Variants in MOXD1 observed in about 807,000 individuals in gnomAD.
MOXD1 encodes DBH-like monooxygenase protein 1.
Under a neutral mutation model 66.6 loss-of-function variants are expected in MOXD1, and 62 were observed. That is an observed-to-expected ratio of 0.93 (90% CI 0.76 to 1.15). The LOEUF is 1.15. Among genes scored for constraint, MOXD1 ranks in the 50% most tolerant of loss-of-function variants. The pLI, the probability that MOXD1 is intolerant of heterozygous loss-of-function variation, is 0.00. For synonymous variants in MOXD1, 303 were observed against 281.9 expected (o/e 1.07, Z -0.75); for missense variants, 847 against 754.6 (o/e 1.12, Z -1.44).
chr6:132,359,135 T>TC (rs35374241), intron 4 of MOXD1, among the ~76,000 whole-genome samples: 28,285 of 150,970 alleles, frequency 0.19, 2,754 homozygotes, highest in South Asian at 0.27. Flanking sequence ...TTTTTTTTTT[T>TC]CTGAGGCAGG....
At chr6:132,399,730 T>C (rs1776977285) in intron 1 of MOXD1, among the ~76,000 whole-genome samples, 2 of 152,218 alleles carry the variant, frequency 1.3e-5, no homozygotes, top group Non-Finnish European at 2.9e-5. Context: ...CATGCAAGGA[T>C]AGTTAAGGGG....
intron 4 of MOXD1, among the ~76,000 whole-genome samples, chr6:132,370,991 CA>C (rs1776252806): frequency 6.6e-6 from 1 of 152,072 alleles, no homozygotes; most frequent in Non-Finnish European, 1.5e-5. Flanking sequence ...TCATTCAACT[CA>C]ATTATTAGCA....
chr6:132,339,569 C>G (rs1442570139), intron 4 of MOXD1, among the ~76,000 whole-genome samples: 1 of 152,242 alleles, frequency 6.6e-6, no homozygotes, highest in Non-Finnish European at 1.5e-5. Flanking sequence ...ATTTTCCTAT[C>G]AGGAATCCTG....
At chr6:132,327,109 C>T (rs1370805351) in intron 6 of MOXD1, among the ~76,000 whole-genome samples, 2 of 152,186 alleles carry the variant, frequency 1.3e-5, no homozygotes, top group Admixed American at 6.5e-5. Context: ...TTCAGCATCT[C>T]CAGTCACCCA....
intron 4 of MOXD1, among the ~76,000 whole-genome samples, chr6:132,330,149 C>T (rs1775285432): frequency 6.6e-6 from 1 of 152,132 alleles, no homozygotes; most frequent in African/African-American, 2.4e-5. Flanking sequence ...GTAGGTGTTG[C>T]ATCAGTTAGA....
At chr6:132,341,641 G>A (rs1775565791) in intron 4 of MOXD1, among the ~76,000 whole-genome samples, 1 of 152,168 alleles carries the variant, frequency 6.6e-6, no homozygotes, top group Non-Finnish European at 1.5e-5. Context: ...GGTCCCATAT[G>A]CATGAATTCC....
intron 1 of MOXD1, among the ~76,000 whole-genome samples, chr6:132,393,151 A>AGTGTGTGT (rs60580838): frequency 0.2 from 30,256 of 150,626 alleles, 3,088 homozygotes; most frequent in Middle Eastern, 0.26. Flanking sequence ...GAGTGGAGTG[A>AGTGTGTGT]GTGTGTGTGT....
intron 4 of MOXD1, among the ~76,000 whole-genome samples, chr6:132,358,030 A>G (rs1312043572): frequency 6.6e-6 from 1 of 152,186 alleles, no homozygotes; most frequent in Non-Finnish European, 1.5e-5. Context: ...TTCCATAAAC[A>G]TTTTCCAAAT....
chr6:132,384,299 T>C (rs968924150), intron 1 of MOXD1, among the ~76,000 whole-genome samples: 1 of 109,510 alleles, frequency 9.1e-6, no homozygotes, highest in Non-Finnish European at 1.9e-5. Flanking sequence ...CCTCCTTCCT[T>C]CCTCCCTCCC....
chr6:132,398,997 C>G (rs984094005), intron 1 of MOXD1, among the ~76,000 whole-genome samples: 1 of 148,826 alleles, frequency 6.7e-6, no homozygotes, highest in Non-Finnish European at 1.5e-5. Context: ...TGAAAATACT[C>G]TTCTCACACT....
At chr6:132,353,936 T>C (rs1037090835) in intron 4 of MOXD1, among the ~76,000 whole-genome samples, 2 of 152,208 alleles carry the variant, frequency 1.3e-5, no homozygotes, top group Non-Finnish European at 2.9e-5. Context: ...ATTTCTTTCT[T>C]CTACTTGTTC....
At chr6:132,316,640 A>C (rs1774965562) in intron 9 of MOXD1, among the ~76,000 whole-genome samples, 1 of 152,172 alleles carries the variant, frequency 6.6e-6, no homozygotes. Context: ...AGCAAGTTTC[A>C]AATGAGCAAG....
At chr6:132,352,977 T>G (rs1775833511) in intron 4 of MOXD1, among the ~76,000 whole-genome samples, 1 of 152,202 alleles carries the variant, frequency 6.6e-6, no homozygotes, top group Admixed American at 6.5e-5. Flanking sequence ...GCTTTTGACG[T>G]CCATTTGCAT....
chr6:132,363,968 T>G (rs190270310), intron 4 of MOXD1, among the ~76,000 whole-genome samples: 148 of 152,280 alleles, frequency 9.7e-4, no homozygotes, highest in Middle Eastern at 3.4e-3. Context: ...CTAGTGCTAT[T>G]CAATTTTCTC....
intron 4 of MOXD1, among the ~76,000 whole-genome samples, chr6:132,345,307 C>T (rs1775648538): frequency 1.3e-5 from 2 of 152,106 alleles, no homozygotes; most frequent in African/African-American, 2.4e-5. Context: ...TCTGTGTCTA[C>T]ATTTATGAGG....
intron 8 of MOXD1, 103 bp downstream of exon 8, chr6:132,322,576 G>T (rs540786730): frequency 5.2e-6 from 6 of 1,156,060 alleles, no homozygotes; most frequent in South Asian, 4.7e-5. Context: ...GAATACAGAT[G>T]CAAGGAAAAA....
intron 1 of MOXD1, among the ~76,000 whole-genome samples, chr6:132,386,445 A>AG (rs1491108721): frequency 1.2e-4 from 16 of 136,978 alleles, no homozygotes; most frequent in Non-Finnish European, 2.4e-4. Context: ...AAAAAAAAAA[A>AG]CAAAAAAAAA....
chr6:132,309,823 C>T (rs1250139004), intron 10 of MOXD1, among the ~76,000 whole-genome samples: 1 of 152,158 alleles, frequency 6.6e-6, no homozygotes, highest in Non-Finnish European at 1.5e-5. Context: ...AAACTGAACC[C>T]CTTCCTTACA....
intron 10 of MOXD1, among the ~76,000 whole-genome samples, chr6:132,308,167 C>G (rs926092517): frequency 6.6e-6 from 1 of 150,918 alleles, no homozygotes; most frequent in African/African-American, 2.4e-5. Context: ...CAAATAGACA[C>G]AATAAAAAAA....
Sources: gnomAD v4.1 joint callset for allele counts (sites outside exome capture counted in the v4.1 genomes callset) on GRCh38, gnomAD v4.1.1 for gene constraint, MANE v1.5 for transcripts, NCBI Gene and HGNC (gene_info 2026-07-23, HGNC 2026-07-21) for gene names.